ATG9A: variants seen among roughly 807,000 people sequenced by gnomAD.
ATG9A encodes the protein autophagy-related protein 9A.
A neutral mutation model predicts 87.1 loss-of-function variants in ATG9A; 21 were observed. That is an observed-to-expected ratio of 0.24 (90% CI 0.17 to 0.35). The LOEUF is 0.35. Ranked by LOEUF, ATG9A falls within the 10% of genes least tolerant of loss-of-function variation. The pLI, the probability that ATG9A is intolerant of heterozygous loss-of-function variation, is 1.00. For synonymous variants in ATG9A, 422 were observed against 441.3 expected (o/e 0.96, Z 0.55); for missense variants, 836 against 1,107.3 (o/e 0.76, Z 3.48).
At chr2:219,227,453 G>C (rs1950884877) in intron 4 of ATG9A, among the ~76,000 whole-genome samples, 1 of 152,128 alleles carries the variant, frequency 6.6e-6, no homozygotes, top group Non-Finnish European at 1.5e-5. Flanking sequence ...GGAGGTGGAG[G>C]TTGCAGTGTG....
At position 219,222,015 on chromosome 2, in the gene ATG9A, A is replaced by C. The variant is rs1438827875; in HGVS notation, c.2145+35T>G. On this transcript the variant is annotated intron_variant, in intron 13 of 15. Transcript: ENST00000361242. The surrounding 1 kb of genome is among the most constrained non-coding windows in gnomAD (Gnocchi z 4.3). ...ACCCCGGTCTTGCTTCTCCGCATCT[A>C]AACCCTCTACTCTCTTTTTTAGCTG... 1 of 1,587,416 alleles carries C rather than the reference A, an allele frequency of 6.3e-7. No individual in the cohort carries two copies.
chr2:219,221,300 G>A lies in ATG9A; in HGVS notation c.2148C>T (p.Leu716=). ...MSLHALYMHQ[L]HKQQAQAEPE... is the part of the protein sequence containing the mutation. ...GTTCAGCCTGGGCCTGCTGCTTGTGGAGCTGGAGAAATGGGGGGCTCGTTA... is the reference window on the plus strand; with the variant it reads ...GTTCAGCCTGGGCCTGCTGCTTGTGAAGCTGGAGAAATGGGGGGCTCGTTA... Residue 716 remains leucine, a splice_region_variant and synonymous_variant, in exon 14 of 16, where the codon CTC becomes CTT. Coordinates refer to ENST00000361242, the MANE Select transcript of ATG9A (RefSeq NM_001077198.3). 1.9e-6 allele frequency: 3 copies of A among 1,558,220 alleles called. No individual in the cohort carries two copies. The highest frequency in any genetic ancestry group is 2.6e-6 in the Non-Finnish European group (3 of 1,153,856).
chr2:219,227,059 T>A, intron 4 of ATG9A, 126 bp from the exon 5 acceptor site: 1 of 767,176 alleles, frequency 1.3e-6, no homozygotes, highest in Non-Finnish European at 2.3e-6. Flanking sequence ...CCAAGTTACT[T>A]AACCTGTCTA....
chr2:219,226,731 G>T, intron 5 of ATG9A, 138 bp downstream of exon 5: 1 of 762,740 alleles, frequency 1.3e-6, no homozygotes, highest in Non-Finnish European at 2.3e-6. Flanking sequence ...GCCACACCCA[G>T]TCCCTGAACT....
Position 219,223,010 on chromosome 2 carries a change from T to A in ATG9A, c.1600-117A>T. 1.5e-6 allele frequency: 2 copies of A among 1,378,962 alleles called. No individual in the cohort carries two copies. The highest frequency in any genetic ancestry group is 2.0e-6 in the Non-Finnish European group (2 of 1,019,870). The allele number at this position is 1,378,962 out of a possible 1,614,324, so 85.4% of individuals were successfully genotyped here. A position where few individuals can be genotyped will look rare whatever the true frequency, so the allele number is the denominator to read the frequency against. ...AACGGAGACCACAGTATACTGTCAA[T>A]CTTTCCCAGGGCACTGGTGCCCCCC... is the stretch of plus-strand genomic sequence containing the variant. On this transcript the variant is annotated intron_variant, in intron 10 of 15. Coordinates refer to ENST00000361242, the MANE Select transcript of ATG9A (RefSeq NM_001077198.3). This position sits in a 1 kb window ranked among gnomAD's most constrained non-coding sequence, Gnocchi z 4.7.
At position 219,224,663 on chromosome 2, in the gene ATG9A, G is replaced by T. The variant is rs751662525; in HGVS notation, c.708C>A (p.Gly236=). 1 of 1,614,230 alleles carries T rather than the reference G, an allele frequency of 6.2e-7. No individual in the cohort carries two copies. The highest frequency in any genetic ancestry group is 8.5e-7 in the Non-Finnish European group (1 of 1,180,046). ...SLLPLRFRLP[G]LGEAVFFTRG... is the part of the protein sequence containing the mutation. ...GGGTGAAGAAGACAGCTTCCCCGAG[G>T]CCAGGCAGGCGGAAGCGCAGAGGCA... Residue 236 remains glycine, a synonymous_variant, in exon 8 of 16, where the codon GGC becomes GGA. Coordinates refer to ENST00000361242, the MANE Select transcript of ATG9A (RefSeq NM_001077198.3). This position sits in a 1 kb window ranked among gnomAD's most constrained non-coding sequence, Gnocchi z 7.7.
At chr2:219,226,661 C>T (rs962181479) in intron 5 of ATG9A, among the ~76,000 whole-genome samples, 3 of 151,912 alleles carry the variant, frequency 2.0e-5, no homozygotes, top group African/African-American at 7.3e-5. Context: ...CCTGCCTGGG[C>T]GACAGAGTGA....
rs1423824362 is a variant in ATG9A at position 219,229,522 on chromosome 2, T to C, written c.-82+13A>G. On this transcript the variant is annotated intron_variant, in intron 1 of 15. Transcript: ENST00000361242. This position sits in a 1 kb window ranked among gnomAD's most constrained non-coding sequence, Gnocchi z 4.2. The stretch of plus-strand genomic sequence containing the variant: ...CGGGGCCTGGGATTCCAATAACCGG[T>C]CTCACGTCTTACCTCAGGAACAGCG... 6.6e-6 allele frequency: 1 copy of C among 152,490 alleles called. No individual in the cohort carries two copies. The highest frequency in any genetic ancestry group is 1.5e-5 in the Non-Finnish European group (1 of 68,004). The allele number at this position is 152,490 out of a possible 1,614,324, so 9.4% of individuals were successfully genotyped here. A position where few individuals can be genotyped will look rare whatever the true frequency, so the allele number is the denominator to read the frequency against.
Position 219,223,904 on chromosome 2 carries a change from G to T in ATG9A, c.1384C>A (p.Arg462=). The T allele has an allele frequency of 1.2e-6, 2 of 1,614,162 alleles. No homozygotes were observed. The highest frequency in any genetic ancestry group is 1.7e-6 in the Non-Finnish European group (2 of 1,180,030). The change falls in exon 9 of 16, where the codon CGG becomes AGG. Residue 462 remains arginine, a synonymous_variant. Transcript: ENST00000361242. The surrounding 1 kb of genome is among the most constrained non-coding windows in gnomAD (Gnocchi z 4.7). ...WQGNAHRSQT[R]DEFAQLFQYK... ...TGGAAGAGCTGGGCAAACTCGTCCC[G>T]GGTCTGCGAGCGGTGGGCATTACCC...
At position 219,222,199 on chromosome 2, in the gene ATG9A, G is replaced by A. The variant is rs554112326; in HGVS notation, c.2028-32C>T. 2 of 1,613,376 alleles carry A rather than the reference G, an allele frequency of 1.2e-6. No individual in the cohort carries two copies. Among genetic ancestry groups the A allele is most frequent in the Admixed American group, 3.3e-5 (2 of 59,978 alleles). On this transcript the variant is annotated intron_variant, in intron 12 of 15. Coordinates refer to ENST00000361242, the MANE Select transcript of ATG9A (RefSeq NM_001077198.3). This position sits in a 1 kb window ranked among gnomAD's most constrained non-coding sequence, Gnocchi z 4.3. The stretch of plus-strand genomic sequence containing the variant: ...CTCCCAACAGAGACAGACAGCAGCT[G>A]TGAACTTCTCTGAGACCCACACAAG...
intron 2 of ATG9A, 112 bp downstream of exon 2, chr2:219,228,322 A>G (rs894056057): frequency 5.1e-6 from 2 of 390,972 alleles, no homozygotes; most frequent in African/African-American, 4.1e-5. Context: ...TCTTCTATTT[A>G]ACGGACAGAA....
At position 219,224,498 on chromosome 2, in the gene ATG9A, C is replaced by T; in HGVS notation, c.873G>A (p.Leu291=). The change falls in exon 8 of 16, where the codon CTG becomes CTA. Residue 291 remains leucine, a synonymous_variant. Coordinates refer to ENST00000361242, the MANE Select transcript of ATG9A (RefSeq NM_001077198.3). This position sits in a 1 kb window ranked among gnomAD's most constrained non-coding sequence, Gnocchi z 7.7. ...GCAGGAAGTTAGCGATGCCAATCCA[C>T]AGGATGCGGTTGCTGAGGCGCTGGG... ...ELAQRLSNRI[L]WIGIANFLLC... The T allele has an allele frequency of 6.2e-7, 1 of 1,614,108 alleles. No homozygotes were observed. Among genetic ancestry groups the T allele is most frequent in the South Asian group, 1.1e-5 (1 of 91,076 alleles).
Position 219,221,121 on chromosome 2 carries a change from G to A in ATG9A, c.2327C>T (p.Ala776Val). 2 of 1,612,840 alleles carry A rather than the reference G, an allele frequency of 1.2e-6. No individual in the cohort carries two copies. Among genetic ancestry groups the A allele is most frequent in the Non-Finnish European group, 1.7e-6 (2 of 1,179,496 alleles). Residue 776 changes from alanine to valine, a missense_variant, in exon 14 of 16, where the codon GCC becomes GTC. Coordinates refer to ENST00000361242, the MANE Select transcript of ATG9A (RefSeq NM_001077198.3). ...APRPGAPETT[A>V]LHGGFQRRYG... ...GCGCCTCTGGAAGCCCCCATGCAGG[G>A]CAGTGGTCTCAGGAGCTCCAGGCCG...
chr2:219,220,518 T>C (rs1039527489), intron 15 of ATG9A, 66 bp from the exon 16 acceptor site: 12 of 1,597,250 alleles, frequency 7.5e-6, no homozygotes, highest in Non-Finnish European at 1.0e-5. Flanking sequence ...GCTAGCCCCA[T>C]AGAAACCTAG....
rs761300429 is a variant in ATG9A, at chr2:219,224,487, A to G, written c.884T>C (p.Ile295Thr). ...GAGGGGGCACAGCAGGAAGTTAGCGATGCCAATCCACAGGATGCGGTTGCT... is the reference window on the plus strand; with the variant it reads ...GAGGGGGCACAGCAGGAAGTTAGCGGTGCCAATCCACAGGATGCGGTTGCT... ...RLSNRILWIGIANFLLCPLIL... is the reference protein window; with the variant it reads ...RLSNRILWIGTANFLLCPLIL... The change falls in exon 8 of 16, where the codon ATC becomes ACC. Residue 295 changes from isoleucine (I) to threonine (T), a missense_variant. Ile to Thr is a moderately conservative substitution (Grantham distance 89). This residue lies in a region of ATG9A where 512 missense variants were observed against 759.6 expected (regional missense o/e 0.67). Transcript: ENST00000361242. The surrounding 1 kb of genome is among the most constrained non-coding windows in gnomAD (Gnocchi z 7.7). 1.7e-5 allele frequency: 28 copies of G among 1,613,964 alleles called. No individual in the cohort carries two copies. Among genetic ancestry groups the G allele is most frequent in the Non-Finnish European group, 2.4e-5 (28 of 1,179,984 alleles).
At position 219,224,485 on chromosome 2, in the gene ATG9A, C is replaced by T. The variant is rs549042911; in HGVS notation, c.886G>A (p.Ala296Thr). 15 of 1,613,994 alleles carry T rather than the reference C, an allele frequency of 9.3e-6. No homozygotes were observed. The East Asian group carries it at 1.1e-4, about 12-fold the overall frequency. Residue 296 changes from alanine (A) to threonine (T), a missense_variant, in exon 8 of 16, where the codon GCT (alanine) becomes ACT (threonine). Ala to Thr is a moderately conservative substitution (Grantham distance 58). This residue lies in a region of ATG9A where 512 missense variants were observed against 759.6 expected (regional missense o/e 0.67). Coordinates refer to ENST00000361242, the MANE Select transcript of ATG9A (RefSeq NM_001077198.3). This position sits in a 1 kb window ranked among gnomAD's most constrained non-coding sequence, Gnocchi z 7.7. ...LSNRILWIGI[A>T]NFLLCPLILI... ...ATGAGGGGGCACAGCAGGAAGTTAG[C>T]GATGCCAATCCACAGGATGCGGTTG...
Position 219,224,327 on chromosome 2 carries a change from G to A in ATG9A, c.1044C>T (p.His348=), listed in dbSNP as rs767917505. The change falls in exon 8 of 16, where the codon CAC becomes CAT. Residue 348 remains histidine (H), a synonymous_variant. Coordinates refer to ENST00000361242, the MANE Select transcript of ATG9A (RefSeq NM_001077198.3). The surrounding 1 kb of genome is among the most constrained non-coding windows in gnomAD (Gnocchi z 7.7). The part of the protein sequence containing the change: ...CYLRHFNELE[H]ELQSRLNRGY... ...CACGGTTGAGGCGGGACTGCAGCTC[G>A]TGCTCCAGCTCGTTGAAGTGGCGGA... is the stretch of plus-strand genomic sequence containing the variant. 1.2e-5 allele frequency: 20 copies of A among 1,613,532 alleles called. No homozygotes were observed. The Admixed American group carries it at 1.5e-4, about 12-fold the overall frequency.
Position 219,221,985 on chromosome 2 carries a change from T to C in ATG9A, c.2145+65A>G, listed in dbSNP as rs919067292. The stretch of plus-strand genomic sequence containing the variant: ...GAACAAGTAAATGGCAGAGAAGGGT[T>C]TGGAACCCCGGTCTTGCTTCTCCGC... On this transcript the variant is annotated intron_variant, in intron 13 of 15. Coordinates refer to ENST00000361242, the MANE Select transcript of ATG9A (RefSeq NM_001077198.3). 4.8e-6 allele frequency: 7 copies of C among 1,450,010 alleles called. No homozygotes were observed. The Admixed American group carries it at 9.8e-5, about 20-fold the overall frequency. The allele number at this position is 1,450,010 out of a possible 1,614,324, so 89.8% of individuals were successfully genotyped here.
rs1950782838 is a variant in ATG9A, at chr2:219,222,514, A to T, written c.1849-64T>A. The T allele has an allele frequency of 3.2e-6, 5 of 1,555,390 alleles. No homozygotes were observed. The highest frequency in any genetic ancestry group is 4.3e-6 in the Non-Finnish European group (5 of 1,149,844). ...AGAAAGGTCTCTGGGGTCCCCTAGT[A>T]TTCTGTATCTCAGGCCCCAGTGGCA... On this transcript the variant is annotated intron_variant, in intron 11 of 15. Transcript: ENST00000361242. This position sits in a 1 kb window ranked among gnomAD's most constrained non-coding sequence, Gnocchi z 4.3.
Sources: allele counts gnomAD v4.1 joint callset (sites outside exome capture counted in the v4.1 genomes callset), GRCh38; gene constraint gnomAD v4.1.1; regional missense constraint gnomAD v4.1.1; non-coding constraint Gnocchi (gnomAD v3.1); transcripts MANE v1.5; gene names NCBI Gene and HGNC (gene_info 2026-07-23, HGNC 2026-07-21).